M1AP: variants seen among roughly 807,000 people sequenced by gnomAD.
The protein encoded by M1AP is meiosis 1 associated protein, also known as meiosis 1 arrest protein.
A neutral mutation model predicts 51.2 loss-of-function variants in M1AP; 39 were observed. The observed-to-expected ratio is 0.76, with a 90% confidence interval of 0.59 to 1.00. The LOEUF (loss-of-function observed/expected upper bound fraction) is 1.00. Among genes scored for constraint, M1AP ranks in the 50% least tolerant of loss-of-function variants. The pLI, the probability that M1AP is intolerant of heterozygous loss-of-function variation, is 0.00. For missense variants in M1AP, 545 were observed against 641.2 expected, an observed-to-expected ratio of 0.85 and a Z score of 1.62; for synonymous variants, 251 against 249.2, an observed-to-expected ratio of 1.01 and a Z score of -0.07.
chr2:74,594,560 T>C (rs1680219970), intron 4 of M1AP, among the ~76,000 whole-genome samples: 1 of 151,832 alleles, frequency 6.6e-6, no homozygotes, highest in Non-Finnish European at 1.5e-5. Flanking sequence ...TGGCAGAAAA[T>C]TTCCCAAGTT....
Position 74,564,653 on chromosome 2 carries a change from G to A in M1AP, c.1075-2230C>T, listed in dbSNP as rs188262691. Among the ~76,000 whole-genome samples the A allele has an allele frequency of 2.0e-5, 3 of 152,320 alleles. No homozygotes were observed. The East Asian group carries it at 5.8e-4, about 29-fold the overall frequency. Reference sequence around the variant, plus strand: ...AGAACAAATCCAAATGTGCAGGAAAGTCAGCTTGATGCTTAAAATCCATCA... The same window carrying A: ...AGAACAAATCCAAATGTGCAGGAAAATCAGCTTGATGCTTAAAATCCATCA... On this transcript the variant is annotated intron_variant, in intron 7 of 10. Transcript: ENST00000421985.
intron 8 of M1AP, 101 bp downstream of exon 8, chr2:74,562,116 G>C (rs1433888968): frequency 6.7e-7 from 1 of 1,499,866 alleles, no homozygotes; most frequent in African/African-American, 1.4e-5. Context: ...CACTCCTTCA[G>C]CTCCGCATCC....
At chr2:74,631,672 T>A (rs565060166) in intron 2 of M1AP, among the ~76,000 whole-genome samples, 110 of 152,126 alleles carry the variant, frequency 7.2e-4, no homozygotes, top group Non-Finnish European at 1.3e-3. Flanking sequence ...ATTGGGAAGA[T>A]CTTCACAGTA....
At chr2:74,598,865 T>C (rs563339611) in intron 4 of M1AP, among the ~76,000 whole-genome samples, 74 of 152,102 alleles carry the variant, frequency 4.9e-4, no homozygotes, top group Admixed American at 1.2e-3. Flanking sequence ...CAAGTGATCC[T>C]CCTGCCTTGG....
intron 4 of M1AP, among the ~76,000 whole-genome samples, chr2:74,587,092 T>C (rs1679753201): frequency 6.6e-6 from 1 of 152,148 alleles, no homozygotes; most frequent in South Asian, 2.1e-4. Context: ...CAAAGCGAGA[T>C]GATTATCTAT....
In M1AP at chr2:74,641,886, C is replaced by T. The variant is rs1190036144; in HGVS notation, c.-52-1559G>A. Among the ~76,000 whole-genome samples the T allele has an allele frequency of 2.7e-5, 4 of 150,904 alleles. No homozygotes were observed. In the South Asian group the frequency reaches 8.4e-4, roughly 32 times the overall value. On this transcript the variant is annotated intron_variant, in intron 1 of 10. Transcript: ENST00000421985. ...TTTAGATGGAGTTTCACTCTTGTTG[C>T]CCAGGCTGGAGTGCAATGGCATGAT...
rs370894818 is a variant in M1AP at position 74,558,531 on chromosome 2, G to A, written c.*185C>T. ...TGCTGGAGAAAGGACAGGCTCGGGT[G>A]TGTCGCTTCCAGACTTGAGGAGTGG... On this transcript the variant is annotated 3_prime_UTR_variant, in exon 11 of 11. Coordinates refer to ENST00000421985, the MANE Select transcript of M1AP (RefSeq NM_001321739.2). 3 of 598,140 alleles carry A rather than the reference G, an allele frequency of 5.0e-6. No homozygotes were observed. The highest frequency in any genetic ancestry group is 3.9e-5 in the African/African-American group (2 of 51,282). 37.1% of individuals were successfully genotyped at this position (598,140 alleles called of 1,614,324 possible). A position where few individuals can be genotyped will look rare whatever the true frequency, so the allele number is the denominator to read the frequency against.
At chr2:74,575,358 G>A (rs1678994415) in intron 7 of M1AP, 80 bp downstream of exon 7, 2 of 1,588,672 alleles carry the variant, frequency 1.3e-6, no homozygotes, top group East Asian at 4.5e-5. Context: ...TTAGGATTGG[G>A]CAGAGTTAGT....
At chr2:74,613,980 T>A (rs1215268702) in intron 3 of M1AP, among the ~76,000 whole-genome samples, 1 of 152,100 alleles carries the variant, frequency 6.6e-6, no homozygotes, top group Non-Finnish European at 1.5e-5. Context: ...GGAGATGGAG[T>A]CTTGCTATGC....
chr2:74,561,145 GAGGAGGAGA>G (rs1558643725), intron 8 of M1AP, among the ~76,000 whole-genome samples: 117 of 126,870 alleles, frequency 9.2e-4, no homozygotes, highest in Middle Eastern at 4.1e-3. Context: ...GGAGGAGAAG[GAGGAGGAGA>G]AGGAGGAGGA....
At chr2:74,578,067 G>A (rs1679182917) in intron 5 of M1AP, among the ~76,000 whole-genome samples, 1 of 152,190 alleles carries the variant, frequency 6.6e-6, no homozygotes, top group Admixed American at 6.5e-5. Flanking sequence ...AGAATCTAAT[G>A]ACATAGCCGA....
chr2:74,627,411 C>T (rs1300541697), intron 2 of M1AP, among the ~76,000 whole-genome samples: 1 of 152,134 alleles, frequency 6.6e-6, no homozygotes, highest in African/African-American at 2.4e-5. Context: ...CTTGGGCTTT[C>T]TGGATAATCA....
intron 7 of M1AP, among the ~76,000 whole-genome samples, chr2:74,566,527 G>C (rs1033616421): frequency 2.0e-5 from 3 of 152,162 alleles, no homozygotes; most frequent in Admixed American, 6.5e-5. Flanking sequence ...TTATTAGTGT[G>C]ACTGGGGGGA....
intron 4 of M1AP, among the ~76,000 whole-genome samples, chr2:74,603,783 T>C (rs564907580): frequency 9.2e-5 from 14 of 152,280 alleles, no homozygotes; most frequent in African/African-American, 3.1e-4. Context: ...AGGATCCACA[T>C]GTGTCAGAAT....
At chr2:74,647,326 G>C (rs1558706918) in intron 1 of M1AP, 1 of 985,332 alleles carries the variant, frequency 1.0e-6, no homozygotes, top group Non-Finnish European at 1.2e-6. Flanking sequence ...GTTCTGTTCC[G>C]TGCTGAGCAT....
chr2:74,634,878 G>A (rs1186824161), intron 2 of M1AP, among the ~76,000 whole-genome samples: 1 of 151,976 alleles, frequency 6.6e-6, no homozygotes, highest in Non-Finnish European at 1.5e-5. Context: ...TTTAATTGCT[G>A]AATTCTATTT....
In M1AP at chr2:74,565,516, C is replaced by T. The variant is rs565233232; in HGVS notation, c.1075-3093G>A. ...GAATAAAGAACAAAAACTACATAAT[C>T]ATCTCAATAGATGGAGAAAAAACAT... On this transcript the variant is annotated intron_variant, in intron 7 of 10. Coordinates refer to ENST00000421985, the MANE Select transcript of M1AP (RefSeq NM_001321739.2). Among the ~76,000 whole-genome samples, 15 of 152,102 alleles carry T rather than the reference C, an allele frequency of 9.9e-5. No individual in the cohort carries two copies. In the South Asian group the frequency reaches 3.1e-3, roughly 32 times the overall value.
Position 74,640,189 on chromosome 2 carries a change from A to G in M1AP, c.87T>C (p.Ile29=), listed in dbSNP as rs72909211. 4,865 of 1,614,120 alleles carry G rather than the reference A, an allele frequency of 3.0e-3. 148 individuals are homozygous for G. In the African/African-American group the frequency reaches 0.058, roughly 19 times the overall value. Residue 29 remains isoleucine, a synonymous_variant, in exon 2 of 11, where the codon ATT becomes ATC. Transcript: ENST00000421985. The stretch of plus-strand genomic sequence containing the variant: ...AGATGTCAGCCCAGGACGGTAGAGC[A>G]ATGTGCACAATGAGAAGCCGTGGAG... The part of the protein sequence containing the change: ...QQPPRLLIVH[I]ALPSWADICT...
chr2:74,607,555 C>G (rs187102905), intron 3 of M1AP, among the ~76,000 whole-genome samples: 1 of 152,242 alleles, frequency 6.6e-6, no homozygotes, highest in Non-Finnish European at 1.5e-5. Context: ...CTCACTGCAA[C>G]CTCCGCCTTC....
Sources: gnomAD v4.1 joint callset for allele counts (sites outside exome capture counted in the v4.1 genomes callset) on GRCh38, gnomAD v4.1.1 for gene constraint, MANE v1.5 for transcripts, NCBI Gene and HGNC (gene_info 2026-07-23, HGNC 2026-07-21) for gene names.